Variants in CCDC80 observed in about 807,000 individuals in gnomAD.
CCDC80 encodes coiled-coil domain containing 80, also known as coiled-coil domain-containing protein 80.
CCDC80 carries 49 observed loss-of-function variants against 78.7 expected under a neutral mutation model. The observed-to-expected ratio is 0.62, with a 90% CI of 0.50 to 0.79. The LOEUF is 0.79. Ranked by LOEUF, CCDC80 falls within the 30% of genes least tolerant of loss-of-function variation. The probability of loss-of-function intolerance (pLI) is 0.00; values close to 1 mark genes in which losing one functional copy is unlikely to be tolerated. For missense variants in CCDC80, 1,205 were observed against 1,198.6 expected (o/e 1.01, Z -0.08); for synonymous variants, 488 against 447.0 (o/e 1.09, Z -1.16).
intron 6 of CCDC80, among the ~76,000 whole-genome samples, chr3:112,608,232 A>G (rs1300840566): frequency 1.3e-5 from 2 of 152,246 alleles, no homozygotes; most frequent in African/African-American, 4.8e-5. Context: ...TCAGGATAAT[A>G]ACTTGGAACT....
rs1363663236 is a variant in CCDC80 at position 112,602,257 on chromosome 3, A to G, written c.*3160T>C. The G allele has an allele frequency of 1.3e-5, 2 of 152,236 alleles. No homozygotes were observed. Among genetic ancestry groups the G allele is most frequent in the African/African-American group, 4.8e-5 (2 of 41,460 alleles). 9.4% of individuals were successfully genotyped at this position (152,236 alleles called of 1,614,324 possible). On this transcript the variant is annotated 3_prime_UTR_variant, in exon 8 of 8. Transcript: ENST00000206423. Reference sequence around the variant, plus strand: ...GTGTGTATGTTCTGATTGCTCCAACAACCAACCTTTCTCCAATCTTTCTCC... The same window carrying G: ...GTGTGTATGTTCTGATTGCTCCAACGACCAACCTTTCTCCAATCTTTCTCC...
Position 112,610,179 on chromosome 3 carries a change from G to A in CCDC80, c.2322-98C>T, listed in dbSNP as rs762029547. On this transcript the variant is annotated intron_variant, in intron 5 of 7. Coordinates refer to ENST00000206423, the MANE Select transcript of CCDC80 (RefSeq NM_199511.3). ...TGACTTAGGCTAGCAATTTTTTTCT[G>A]TGCCCAGAAAAAAAAAAAGAAAAAA... 14 of 989,804 alleles carry A rather than the reference G, an allele frequency of 1.4e-5. No individual in the cohort carries two copies. In the South Asian group the frequency reaches 1.9e-4, roughly 14 times the overall value. 61.3% of individuals were successfully genotyped at this position (989,804 alleles called of 1,614,324 possible). A position where few individuals can be genotyped will look rare whatever the true frequency, so the allele number is the denominator to read the frequency against.
At chr3:112,617,398 A>T (rs1020069047) in intron 4 of CCDC80, among the ~76,000 whole-genome samples, 1 of 152,228 alleles carries the variant, frequency 6.6e-6, no homozygotes, top group Admixed American at 6.5e-5. Flanking sequence ...AAGACAATGA[A>T]ATTCAGATTC....
Position 112,617,310 on chromosome 3 carries a change from G to A in CCDC80, c.2173-452C>T, listed in dbSNP as rs1289433945. 2.0e-5 allele frequency among the ~76,000 whole-genome samples: 3 copies of A among 152,210 alleles called. No homozygotes were observed. In the East Asian group the frequency reaches 5.8e-4, roughly 29 times the overall value. On this transcript the variant is annotated intron_variant, in intron 4 of 7. Transcript: ENST00000206423. ...GGCCTGTTCTGTGGTCCCAGGGATT[G>A]TTTTACTGAGTAAACATCACTTAAT...
chr3:112,605,351 G>A lies in CCDC80; in HGVS notation c.*66C>T. On this transcript the variant is annotated 3_prime_UTR_variant, in exon 8 of 8. Transcript: ENST00000206423. ...GTAGTACGCAGTGTGGAAGAATGGA[G>A]CTGGCCACATGTAGTTTTAGCAGCT... 1.8e-6 allele frequency: 2 copies of A among 1,093,336 alleles called. No homozygotes were observed. Among genetic ancestry groups the A allele is most frequent in the Non-Finnish European group, 2.7e-6 (2 of 742,604 alleles). 67.7% of individuals were successfully genotyped at this position (1,093,336 alleles called of 1,614,324 possible). A position where few individuals can be genotyped will look rare whatever the true frequency, so the allele number is the denominator to read the frequency against.
chr3:112,628,591 A>T (rs554611779), intron 3 of CCDC80, among the ~76,000 whole-genome samples: 1 of 152,174 alleles, frequency 6.6e-6, no homozygotes. Context: ...TAGCTTGCCC[A>T]AGGTCACACA....
At position 112,639,205 on chromosome 3, in the gene CCDC80, C is replaced by G; in HGVS notation, c.701G>C (p.Gly234Ala). Residue 234 changes from glycine to alanine, a missense_variant, in exon 2 of 8, where the codon GGC (glycine) becomes GCC (alanine). Physicochemically the swap from Gly to Ala is moderately conservative, Grantham distance 60. Transcript: ENST00000206423. ...SFLKLEKGKF[G>A]MVLLKKTLQV... ...CAGCGTCTTCTTCAGCAGCACCATG[C>G]CAAACTTGCCCTTCTCCAGCTTCAG... The G allele has an allele frequency of 1.2e-6, 2 of 1,614,152 alleles. No homozygotes were observed. Among genetic ancestry groups the G allele is most frequent in the Non-Finnish European group, 1.7e-6 (2 of 1,180,024 alleles).
intron 3 of CCDC80, among the ~76,000 whole-genome samples, chr3:112,627,718 G>T (rs1936004859): frequency 6.6e-6 from 1 of 152,080 alleles, no homozygotes; most frequent in African/African-American, 2.4e-5. Context: ...TCCCATAAGG[G>T]TAAACTGGGA....
At position 112,597,865 on chromosome 3, in the gene CCDC80, G is replaced by A. The variant is rs1576773789; in HGVS notation, c.*7552C>T. 1 of 152,028 alleles carries A rather than the reference G, an allele frequency of 6.6e-6. No homozygotes were observed. The highest frequency in any genetic ancestry group is 2.4e-5 in the African/African-American group (1 of 41,378). The allele number at this position is 152,028 out of a possible 1,614,324, so 9.4% of individuals were successfully genotyped here. On this transcript the variant is annotated 3_prime_UTR_variant, in exon 8 of 8. Transcript: ENST00000206423. ...TGATACATATTAGTTTATAATTAAC[G>A]GCGTACCTAACTGTTCTCTACTAGT...
rs143364538 is a variant in CCDC80 at position 112,630,158 on chromosome 3, C to T, written c.1990G>A (p.Gly664Ser). 1.2e-5 allele frequency: 20 copies of T among 1,613,674 alleles called. No homozygotes were observed. The highest frequency in any genetic ancestry group is 5.5e-5 in the South Asian group (5 of 91,076). ...TRKISVITIF[G>S]PVNNSTMKID... ...TTCATGGTGCTGTTGTTGACAGGGC[C>T]GAAGATGGTGATCACAGAGATTTTC... The change falls in exon 3 of 8, where the codon GGC (glycine) becomes AGC (serine). Residue 664 changes from glycine (G) to serine (S), a missense_variant. Physicochemically the swap from Gly to Ser is moderately conservative, Grantham distance 56. Transcript: ENST00000206423.
chr3:112,600,183 C>T lies in CCDC80; in HGVS notation c.*5234G>A, dbSNP rs1480974089. On this transcript the variant is annotated 3_prime_UTR_variant, in exon 8 of 8. Coordinates refer to ENST00000206423, the MANE Select transcript of CCDC80 (RefSeq NM_199511.3). ...GCCTTGTATTTTTCCAGATTATAGG[C>T]TTTGAGGACATTCACCAATAGCATC... 2 of 152,170 alleles carry T rather than the reference C, an allele frequency of 1.3e-5. No individual in the cohort carries two copies. Among genetic ancestry groups the T allele is most frequent in the Non-Finnish European group, 2.9e-5 (2 of 68,034 alleles). 9.4% of individuals were successfully genotyped at this position (152,170 alleles called of 1,614,324 possible). A position where few individuals can be genotyped will look rare whatever the true frequency, so the allele number is the denominator to read the frequency against.
At chr3:112,637,540 G>A (rs1936231561) in intron 2 of CCDC80, among the ~76,000 whole-genome samples, 1 of 152,236 alleles carries the variant, frequency 6.6e-6, no homozygotes, top group Non-Finnish European at 1.5e-5. Context: ...GGGGACCTCT[G>A]CTATTGTCCC....
chr3:112,618,371 A>G (rs1387000999), intron 4 of CCDC80, among the ~76,000 whole-genome samples: 1 of 152,064 alleles, frequency 6.6e-6, no homozygotes, highest in Non-Finnish European at 1.5e-5. Flanking sequence ...ATACAAAAAT[A>G]AAATTAGCCG....
intron 5 of CCDC80, among the ~76,000 whole-genome samples, chr3:112,611,864 T>C (rs1434010328): frequency 6.6e-6 from 1 of 152,158 alleles, no homozygotes; most frequent in Non-Finnish European, 1.5e-5. Flanking sequence ...GTGCCCCTTC[T>C]AGCATCAGGA....
At chr3:112,634,671 G>T (rs1476313411) in intron 2 of CCDC80, among the ~76,000 whole-genome samples, 1 of 152,174 alleles carries the variant, frequency 6.6e-6, no homozygotes, top group Non-Finnish European at 1.5e-5. Flanking sequence ...GGTTGACAAT[G>T]AATTTTTAAA....
intron 2 of CCDC80, 133 bp downstream of exon 2, chr3:112,637,894 CT>C: frequency 7.1e-7 from 1 of 1,407,104 alleles, no homozygotes; most frequent in Non-Finnish European, 9.4e-7. Context: ...TGCCAGACTT[CT>C]GAGCTTCTTG....
At chr3:112,621,122 A>G (rs1471567830) in intron 3 of CCDC80, among the ~76,000 whole-genome samples, 2 of 152,202 alleles carry the variant, frequency 1.3e-5, no homozygotes, top group Non-Finnish European at 2.9e-5. Flanking sequence ...ACCTATGCCC[A>G]GTAACTACAG....
At chr3:112,615,186 CATG>C (rs2107476876) in intron 5 of CCDC80, among the ~76,000 whole-genome samples, 1 of 152,244 alleles carries the variant, frequency 6.6e-6, no homozygotes, top group African/African-American at 2.4e-5. Flanking sequence ...CTTTATATAT[CATG>C]ATGTTACATC....
At position 112,610,085 on chromosome 3, in the gene CCDC80, G is replaced by T. The variant is rs1559874934; in HGVS notation, c.2322-4C>A. Reference sequence around the variant, plus strand: ...CAACCTCCTCCTCCACCGGAACCTGGAAAAAAAAAGCAGGACACCATTACT... The same window carrying T: ...CAACCTCCTCCTCCACCGGAACCTGTAAAAAAAAAGCAGGACACCATTACT... On this transcript the variant is annotated splice_region_variant and splice_polypyrimidine_tract_variant and intron_variant, in intron 5 of 7. Coordinates refer to ENST00000206423, the MANE Select transcript of CCDC80 (RefSeq NM_199511.3). The T allele has an allele frequency of 6.2e-7, 1 of 1,600,674 alleles. No individual in the cohort carries two copies. Among genetic ancestry groups the T allele is most frequent in the Non-Finnish European group, 8.5e-7 (1 of 1,171,976 alleles).
Sources: gnomAD v4.1 joint callset for allele counts (sites outside exome capture counted in the v4.1 genomes callset) on GRCh38, gnomAD v4.1.1 for gene constraint, MANE v1.5 for transcripts, NCBI Gene and HGNC (gene_info 2026-07-23, HGNC 2026-07-21) for gene names.